Variants in PHF21B observed in about 807,000 individuals in gnomAD.
PHF21B encodes PHD finger protein 4.
PHF21B carries 22 observed loss-of-function variants against 62.2 expected under a neutral mutation model. The observed-to-expected ratio is 0.35, with a 90% CI of 0.25 to 0.51. The LOEUF (loss-of-function observed/expected upper bound fraction) is 0.51. Among genes scored for constraint, PHF21B ranks in the 20% least tolerant of loss-of-function variants. The pLI, the probability that PHF21B is intolerant of heterozygous loss-of-function variation, is 0.97. For synonymous variants in PHF21B, 341 were observed against 314.7 expected (o/e 1.08, Z -0.88); for missense variants, 701 against 707.9 (o/e 0.99, Z 0.11).
intron 2 of PHF21B, among the ~76,000 whole-genome samples, chr22:44,985,317 G>A (rs983331233): frequency 1.3e-5 from 2 of 152,200 alleles, no homozygotes; most frequent in African/African-American, 4.8e-5. Context: ...TTTTACTAAA[G>A]AGGAAACTGC....
Position 44,888,079 on chromosome 22 carries a change from C to T in PHF21B, c.1081G>A (p.Gly361Arg), listed in dbSNP as rs1417285328. ...HDEHCAACKR[G>R]ANLQPCGTCP... ...GTGCCGCAGGGCTGCAGGTTGGCCC[C>T]TCGCTTGCAGGCGGCACAGTGCTCA... Residue 361 changes from glycine to arginine, a missense_variant, in exon 10 of 13, where the codon GGG becomes AGG. Gly to Arg is a moderately radical substitution (Grantham distance 125). Transcript: ENST00000313237. The T allele has an allele frequency of 6.5e-7, 1 of 1,547,986 alleles. No individual in the cohort carries two copies. Among genetic ancestry groups the T allele is most frequent in the Admixed American group, 2.0e-5 (1 of 50,856 alleles).
chr22:45,009,318 C>T lies in PHF21B; in HGVS notation c.54+178G>A. The stretch of plus-strand genomic sequence containing the variant: ...TGTGCAGGACAGCGCCAGGGGCAGG[C>T]GGAGGGGAGCCCAGAAGGGGGTCCG... On this transcript the variant is annotated intron_variant, in intron 1 of 12. Transcript: ENST00000313237. The surrounding 1 kb of genome is among the most constrained non-coding windows in gnomAD (Gnocchi z 5.9). 3.0e-6 allele frequency: 2 copies of T among 656,010 alleles called. No homozygotes were observed. The highest frequency in any genetic ancestry group is 5.0e-6 in the Non-Finnish European group (2 of 402,858). 40.6% of individuals were successfully genotyped at this position (656,010 alleles called of 1,614,324 possible). A position where few individuals can be genotyped will look rare whatever the true frequency, so the allele number is the denominator to read the frequency against.
chr22:44,975,442 G>C (rs559004019), intron 2 of PHF21B, among the ~76,000 whole-genome samples: 2 of 152,188 alleles, frequency 1.3e-5, no homozygotes, highest in African/African-American at 4.8e-5. Context: ...GAGAGCAGGC[G>C]TCCCTCTAGG....
chr22:44,953,554 ACTC>A (rs1474435515), intron 2 of PHF21B, among the ~76,000 whole-genome samples: 6 of 151,382 alleles, frequency 4.0e-5, no homozygotes, highest in Non-Finnish European at 8.8e-5. Context: ...AACGCTGTGA[ACTC>A]CTCTAAATGT....
chr22:44,978,042 T>C (rs1006401074), intron 2 of PHF21B, among the ~76,000 whole-genome samples: 1 of 152,218 alleles, frequency 6.6e-6, no homozygotes, highest in Non-Finnish European at 1.5e-5. Context: ...TACATGTGCA[T>C]ATTTATCCAT....
At chr22:44,959,986 C>T (rs2072384770) in intron 2 of PHF21B, among the ~76,000 whole-genome samples, 1 of 152,250 alleles carries the variant, frequency 6.6e-6, no homozygotes, top group Admixed American at 6.5e-5. Flanking sequence ...CCAGTCTCCA[C>T]CCCAGAGAGC....
intron 10 of PHF21B, among the ~76,000 whole-genome samples, chr22:44,887,358 A>C (rs2070877720): frequency 6.6e-6 from 1 of 152,138 alleles, no homozygotes; most frequent in African/African-American, 2.4e-5. Context: ...ACTATATAGC[A>C]GCTGTAAAGC....
Position 44,920,497 on chromosome 22 carries a change from C to T in PHF21B, c.121-7G>A. 1.9e-6 allele frequency: 3 copies of T among 1,604,616 alleles called. No individual in the cohort carries two copies. The highest frequency in any genetic ancestry group is 2.7e-5 in the African/African-American group (2 of 74,752). On this transcript the variant is annotated splice_polypyrimidine_tract_variant and splice_region_variant and intron_variant, in intron 2 of 12. Transcript: ENST00000313237. ...CAGTGATCGTTCCCAAAGCCTGAAA[C>T]ATACAGGAGGGCAACGCTGAGACAG...
intron 2 of PHF21B, among the ~76,000 whole-genome samples, chr22:44,980,462 C>A (rs1001415138): frequency 7.2e-5 from 11 of 152,214 alleles, no homozygotes; most frequent in South Asian, 2.1e-4. Context: ...ACACTGCAGA[C>A]CTTGGAGGCC....
intron 2 of PHF21B, among the ~76,000 whole-genome samples, chr22:44,996,393 G>C (rs2147517288): frequency 6.6e-6 from 1 of 152,284 alleles, no homozygotes; most frequent in Non-Finnish European, 1.5e-5. Flanking sequence ...TGGTTTGGCA[G>C]ATGGAGGCCT....
At chr22:44,996,908 A>G (rs1186694004) in intron 2 of PHF21B, among the ~76,000 whole-genome samples, 3 of 152,160 alleles carry the variant, frequency 2.0e-5, no homozygotes, top group Non-Finnish European at 4.4e-5. Flanking sequence ...GTGTGCACAC[A>G]TGCATACACA....
intron 2 of PHF21B, among the ~76,000 whole-genome samples, chr22:44,935,694 G>T (rs2071832774): frequency 6.6e-6 from 1 of 152,210 alleles, no homozygotes; most frequent in Non-Finnish European, 1.5e-5. Flanking sequence ...AAACTGGCAG[G>T]TCTCATGGGA....
chr22:45,009,175 C>T lies in PHF21B; in HGVS notation c.54+321G>A, dbSNP rs1029897973. ...CGGAAGGGGGCCTATTCGCACTCCC[C>T]TCCCCGGGACCGGCTCACGAAGGGG... On this transcript the variant is annotated intron_variant, in intron 1 of 12. Transcript: ENST00000313237. This position sits in a 1 kb window ranked among gnomAD's most constrained non-coding sequence, Gnocchi z 5.9. 1 of 442,472 alleles carries T rather than the reference C, an allele frequency of 2.3e-6. No individual in the cohort carries two copies. The highest frequency in any genetic ancestry group is 4.8e-5 in the Admixed American group (1 of 20,720). 27.4% of individuals were successfully genotyped at this position (442,472 alleles called of 1,614,324 possible). A position where few individuals can be genotyped will look rare whatever the true frequency, so the allele number is the denominator to read the frequency against.
Position 44,970,204 on chromosome 22 carries a change from G to A in PHF21B, c.120+38341C>T, listed in dbSNP as rs932397095. Among the ~76,000 whole-genome samples the A allele has an allele frequency of 9.2e-5, 14 of 152,346 alleles. 1 individual carries two copies. The highest frequency in any genetic ancestry group is 5.9e-5 in the Non-Finnish European group (4 of 68,026). On this transcript the variant is annotated intron_variant, in intron 2 of 12. Coordinates refer to ENST00000313237, the MANE Select transcript of PHF21B (RefSeq NM_138415.5). ...TCCACTAGGAAGAAAGATTAAAAGC[G>A]TCCTGAAGGGAGGCATATTCCCCAT... is the stretch of plus-strand genomic sequence containing the variant.
At chr22:44,974,809 T>C (rs74328548) in intron 2 of PHF21B, among the ~76,000 whole-genome samples, 4,060 of 152,330 alleles carry the variant, frequency 0.027, 152 homozygotes, top group African/African-American at 0.089. Context: ...GGGTGGTATA[T>C]GGAGATATAG....
intron 2 of PHF21B, among the ~76,000 whole-genome samples, chr22:44,952,709 A>G (rs1436566462): frequency 6.6e-6 from 1 of 152,190 alleles, no homozygotes; most frequent in African/African-American, 2.4e-5. Context: ...TGAAAAAGAG[A>G]AGAGTATAAG....
intron 5 of PHF21B, among the ~76,000 whole-genome samples, chr22:44,911,572 C>A (rs1414406497): frequency 6.6e-6 from 1 of 152,214 alleles, no homozygotes; most frequent in African/African-American, 2.4e-5. Flanking sequence ...AAGCACAAGC[C>A]TCGGCAGCTT....
chr22:44,909,315 G>C (rs1298298253), intron 5 of PHF21B, among the ~76,000 whole-genome samples: 3 of 152,230 alleles, frequency 2.0e-5, no homozygotes, highest in Admixed American at 6.5e-5. Flanking sequence ...CCAATATTAA[G>C]GGTGCAGCTG....
At chr22:44,925,151 C>T (rs540765282) in intron 2 of PHF21B, among the ~76,000 whole-genome samples, 7 of 152,094 alleles carry the variant, frequency 4.6e-5, no homozygotes, top group African/African-American at 1.4e-4. Context: ...GGTGCAGGGA[C>T]GAGAGGAAGG....
Sources: allele counts gnomAD v4.1 joint callset (sites outside exome capture counted in the v4.1 genomes callset), GRCh38; gene constraint gnomAD v4.1.1; non-coding constraint Gnocchi (gnomAD v3.1); transcripts MANE v1.5; gene names NCBI Gene and HGNC (gene_info 2026-07-23, HGNC 2026-07-21).